PPFIBP2: variants seen among roughly 807,000 people sequenced by gnomAD.
PPFIBP2 encodes the protein liprin-beta-2.
A neutral mutation model predicts 118.3 loss-of-function variants in PPFIBP2; 118 were observed. The ratio of observed to expected loss-of-function variants is 1.00; its 90% confidence interval spans 0.86 to 1.16. The LOEUF is 1.16. Ranked by LOEUF, PPFIBP2 falls within the 50% of genes most tolerant of loss-of-function variation. The probability of loss-of-function intolerance (pLI) is 0.00; values close to 1 mark genes in which losing one functional copy is unlikely to be tolerated. For missense variants in PPFIBP2, 1,195 were observed against 1,073.1 expected (o/e 1.11, Z -1.59); for synonymous variants, 414 against 397.4 (o/e 1.04, Z -0.50).
Position 7,514,104 on chromosome 11 carries a change from C to G in PPFIBP2, c.-54C>G, listed in dbSNP as rs1284951119. ...CACACCTGAGCCGCCCGGAGAGGAG[C>G]CTCGGCCCCGTACCCAGGTCAGTGG... On this transcript the variant is annotated 5_prime_UTR_variant, in exon 1 of 24. Transcript: ENST00000299492. 6.6e-6 allele frequency: 1 copy of G among 152,344 alleles called. No homozygotes were observed. The highest frequency in any genetic ancestry group is 1.5e-5 in the Non-Finnish European group (1 of 68,148). The allele number at this position is 152,344 out of a possible 1,614,324, so 9.4% of individuals were successfully genotyped here.
chr11:7,609,160 G>A (rs1254033271), intron 5 of PPFIBP2, among the ~76,000 whole-genome samples: 1 of 152,204 alleles, frequency 6.6e-6, no homozygotes, highest in Non-Finnish European at 1.5e-5. Context: ...TGTCCCGTGT[G>A]GTTTGATTCA....
At chr11:7,551,298 A>G (rs1852961739) in intron 2 of PPFIBP2, among the ~76,000 whole-genome samples, 1 of 152,158 alleles carries the variant, frequency 6.6e-6, no homozygotes, top group Non-Finnish European at 1.5e-5. Flanking sequence ...CAAAGAGCAA[A>G]GGGGAGACTG....
downstream of PPFIBP2, chr11:7,656,966 G>A (rs1428241878): frequency 1.7e-5 from 7 of 423,970 alleles, no homozygotes; most frequent in Non-Finnish European, 3.1e-5. Context: ...AGGTGTCCAG[G>A]GGTGGCCCCA....
Position 7,653,621 on chromosome 11 carries a change from C to T in PPFIBP2, c.*403C>T, listed in dbSNP as rs983448092. 55 of 1,295,490 alleles carry T rather than the reference C, an allele frequency of 4.2e-5. No individual in the cohort carries two copies. The highest frequency in any genetic ancestry group is 2.3e-4 in the African/African-American group (15 of 66,096). 80.2% of individuals were successfully genotyped at this position (1,295,490 alleles called of 1,614,324 possible). On this transcript the variant is annotated 3_prime_UTR_variant, in exon 24 of 24. Transcript: ENST00000299492. Reference sequence around the variant, plus strand: ...GGGAAAAGCTCAAGTGCCTTAGGCCCGTGGACCACAGTCTTGGCTGAGATC... The same window carrying T: ...GGGAAAAGCTCAAGTGCCTTAGGCCTGTGGACCACAGTCTTGGCTGAGATC...
At chr11:7,601,802 A>C (rs748452413) in intron 5 of PPFIBP2, among the ~76,000 whole-genome samples, 2 of 151,958 alleles carry the variant, frequency 1.3e-5, no homozygotes, top group Admixed American at 6.5e-5. Flanking sequence ...TCTACTAAAA[A>C]TACAAAATTA....
intron 3 of PPFIBP2, among the ~76,000 whole-genome samples, chr11:7,566,263 T>C (rs1854972560): frequency 6.6e-6 from 1 of 152,242 alleles, no homozygotes; most frequent in African/African-American, 2.4e-5. Context: ...TTTTGAAAAT[T>C]AGTTTATTCG....
intron 23 of PPFIBP2, among the ~76,000 whole-genome samples, chr11:7,652,721 A>G (rs1489633591): frequency 6.6e-6 from 1 of 152,230 alleles, no homozygotes; most frequent in Non-Finnish European, 1.5e-5. Context: ...CCTCAAGTAC[A>G]TTCTAAAGGA....
At chr11:7,534,453 T>C (rs1266834150) in intron 1 of PPFIBP2, among the ~76,000 whole-genome samples, 1 of 152,216 alleles carries the variant, frequency 6.6e-6, no homozygotes, top group Non-Finnish European at 1.5e-5. Flanking sequence ...ATGATCTGGT[T>C]GAGGCAATGA....
At chr11:7,641,081 C>T in intron 15 of PPFIBP2, 1 of 1,265,850 alleles carries the variant, frequency 7.9e-7, no homozygotes, top group Non-Finnish European at 1.0e-6. Flanking sequence ...GTACCCATTC[C>T]AGGTGAGGTG....
At chr11:7,593,004 G>A (rs1480721448) in intron 3 of PPFIBP2, 128 bp from the exon 4 acceptor site, 1 of 1,336,212 alleles carries the variant, frequency 7.5e-7, no homozygotes, top group Non-Finnish European at 1.0e-6. Context: ...CTGTTTTGAT[G>A]ATTGGTTTTG....
At chr11:7,597,024 C>T (rs1052783229) in intron 4 of PPFIBP2, among the ~76,000 whole-genome samples, 24 of 152,150 alleles carry the variant, frequency 1.6e-4, no homozygotes, top group Admixed American at 6.5e-4. Flanking sequence ...AATAACCTTT[C>T]TGGAGCCAAG....
chr11:7,578,830 T>C (rs957000862), intron 3 of PPFIBP2, among the ~76,000 whole-genome samples: 4 of 151,822 alleles, frequency 2.6e-5, no homozygotes, highest in African/African-American at 9.7e-5. Context: ...AAATGGGGCA[T>C]AGGGGATGAT....
chr11:7,516,453 G>A (rs1259000848), intron 1 of PPFIBP2, among the ~76,000 whole-genome samples: 1 of 152,180 alleles, frequency 6.6e-6, no homozygotes, highest in Non-Finnish European at 1.5e-5. Flanking sequence ...CTTTGGGCCT[G>A]AGGAATGGTA....
intron 1 of PPFIBP2, among the ~76,000 whole-genome samples, chr11:7,547,636 G>A (rs1852469086): frequency 6.6e-6 from 1 of 152,102 alleles, no homozygotes; most frequent in Non-Finnish European, 1.5e-5. Flanking sequence ...CTCTGTAGCG[G>A]CCTGGCTGCT....
At chr11:7,575,089 C>G (rs985343849) in intron 3 of PPFIBP2, among the ~76,000 whole-genome samples, 1 of 152,116 alleles carries the variant, frequency 6.6e-6, no homozygotes, top group East Asian at 1.9e-4. Flanking sequence ...TTGTGTCGAA[C>G]ATCTTTACCC....
chr11:7,561,524 CTT>C (rs1416180607), intron 2 of PPFIBP2, among the ~76,000 whole-genome samples: 2 of 152,048 alleles, frequency 1.3e-5, no homozygotes, highest in African/African-American at 4.8e-5. Flanking sequence ...CCTATCTTCT[CTT>C]TGTATTTCTA....
At chr11:7,647,104 C>T (rs1375380148) in intron 17 of PPFIBP2, among the ~76,000 whole-genome samples, 1 of 152,172 alleles carries the variant, frequency 6.6e-6, no homozygotes, top group Non-Finnish European at 1.5e-5. Flanking sequence ...ATGGGGCATT[C>T]TTATCATGCT....
chr11:7,522,733 C>T (rs958895841), intron 1 of PPFIBP2, among the ~76,000 whole-genome samples: 3 of 152,170 alleles, frequency 2.0e-5, no homozygotes, highest in Non-Finnish European at 2.9e-5. Flanking sequence ...CATGGGGGCC[C>T]GAAGGCTCAT....
chr11:7,660,641 T>G (rs1262072709), downstream of PPFIBP2, among the ~76,000 whole-genome samples: 1 of 151,596 alleles, frequency 6.6e-6, no homozygotes, highest in East Asian at 1.9e-4. Flanking sequence ...GGTTTTGGTA[T>G]CAGAATGATG....
Sources: gnomAD v4.1 joint callset for allele counts (sites outside exome capture counted in the v4.1 genomes callset) on GRCh38, gnomAD v4.1.1 for gene constraint, MANE v1.5 for transcripts, NCBI Gene and HGNC (gene_info 2026-07-23, HGNC 2026-07-21) for gene names.